PEAK1: variants seen among roughly 807,000 people sequenced by gnomAD.
The protein encoded by PEAK1 is pseudopodium enriched atypical kinase 1, also known as inactive tyrosine-protein kinase PEAK1.
PEAK1 carries 54 observed loss-of-function variants against 124.7 expected under a neutral mutation model. That is an observed-to-expected ratio of 0.43 (90% CI 0.35 to 0.54). The LOEUF (loss-of-function observed/expected upper bound fraction) is 0.54. Among genes scored for constraint, PEAK1 ranks in the 20% least tolerant of loss-of-function variants. The pLI is 0.01. For missense variants in PEAK1, 2,046 were observed against 2,134.5 expected (o/e 0.96, Z 0.82); for synonymous variants, 719 against 760.0 (o/e 0.95, Z 0.89).
intron 8 of PEAK1, among the ~76,000 whole-genome samples, chr15:77,139,639 C>T (rs2053612734): frequency 6.6e-6 from 1 of 152,120 alleles, no homozygotes; most frequent in South Asian, 2.1e-4. Flanking sequence ...TGACTATATC[C>T]ATTTCCCATG....
intron 6 of PEAK1, among the ~76,000 whole-genome samples, chr15:77,247,527 C>T (rs140442468): frequency 0.041 from 4,475 of 110,434 alleles, 257 homozygotes; most frequent in African/African-American, 0.14. Context: ...CTCACTCTGT[C>T]GCCCAGGCTG....
intron 6 of PEAK1, among the ~76,000 whole-genome samples, chr15:77,241,914 C>T (rs986934842): frequency 2.0e-5 from 3 of 151,872 alleles, no homozygotes; most frequent in South Asian, 2.1e-4. Flanking sequence ...CAAACTAATC[C>T]GTAGATTTAA....
intron 1 of PEAK1, among the ~76,000 whole-genome samples, chr15:77,400,889 C>T (rs772477258): frequency 2.0e-5 from 3 of 152,066 alleles, no homozygotes; most frequent in South Asian, 2.1e-4. Flanking sequence ...AGATATTATT[C>T]GTCTATCACT....
Position 77,178,818 on chromosome 15 carries a change from G to A in PEAK1, c.3109C>T (p.Pro1037Ser). Reference protein sequence around the residue: ...DSEKKRSHSSPSQIPKKILSH... With the variant: ...DSEKKRSHSSSSQIPKKILSH... ...AGAATCTTTTTAGGAATCTGTGATG[G>A]AGAAGAATGACTCCTCTTCTTCTCT... Residue 1037 changes from proline (P) to serine (S), a missense_variant, in exon 7 of 10, where the codon CCA becomes TCA. Coordinates refer to ENST00000682557, the MANE Select transcript of PEAK1 (RefSeq NM_001385026.1). 1 of 1,613,696 alleles carries A rather than the reference G, an allele frequency of 6.2e-7. No individual in the cohort carries two copies.
intron 2 of PEAK1, among the ~76,000 whole-genome samples, chr15:77,341,283 T>C (rs1022763592): frequency 6.6e-6 from 1 of 152,082 alleles, no homozygotes; most frequent in Non-Finnish European, 1.5e-5. Context: ...GTGGATCATC[T>C]GAGGTCAGGA....
intron 1 of PEAK1, chr15:77,370,632 A>AT: frequency 1.1e-6 from 1 of 927,772 alleles, no homozygotes; most frequent in South Asian, 5.0e-5. Flanking sequence ...ATAATTTTGA[A>AT]TGTTACCAAA....
intron 2 of PEAK1, chr15:77,332,227 T>C: frequency 1.0e-6 from 1 of 984,072 alleles, no homozygotes; most frequent in Non-Finnish European, 1.2e-6. Flanking sequence ...AGTCCTTTTT[T>C]GACAAAACAC....
At chr15:77,319,992 G>T (rs948258544) in intron 2 of PEAK1, among the ~76,000 whole-genome samples, 28 of 152,098 alleles carry the variant, frequency 1.8e-4, no homozygotes, top group African/African-American at 6.5e-4. Flanking sequence ...TGCCTTCTTT[G>T]TAACAAAGAT....
intron 2 of PEAK1, chr15:77,350,428 G>A: frequency 1.0e-6 from 1 of 985,336 alleles, no homozygotes; most frequent in Non-Finnish European, 1.2e-6. Flanking sequence ...CAGCCTGAAT[G>A]TAGCAAGCTT....
chr15:77,250,217 AT>A (rs2060805627), intron 6 of PEAK1, among the ~76,000 whole-genome samples: 1 of 136,452 alleles, frequency 7.3e-6, no homozygotes, highest in Non-Finnish European at 1.5e-5. Flanking sequence ...ATATGTATAT[AT>A]ATACACATAT....
intron 1 of PEAK1, among the ~76,000 whole-genome samples, chr15:77,382,967 C>G (rs1388294840): frequency 1.3e-5 from 2 of 150,214 alleles, no homozygotes; most frequent in Non-Finnish European, 3.0e-5. Flanking sequence ...TGTATTAATA[C>G]ATCAGCTTCT....
chr15:77,406,392 T>C (rs867180469), intron 1 of PEAK1, among the ~76,000 whole-genome samples: 5 of 152,126 alleles, frequency 3.3e-5, no homozygotes, highest in African/African-American at 1.2e-4. Context: ...TAAAGACTCA[T>C]CCAAAAAGCT....
rs1247614232 is a variant in PEAK1, at chr15:77,179,812, C to A, written c.2115G>T (p.Lys705Asn). ...TGAGACAGTTGTTAAACTCTTGAACCTTCTGAGCCACTGAGCCCCTTTTAT... is the reference window on the plus strand; with the variant it reads ...TGAGACAGTTGTTAAACTCTTGAACATTCTGAGCCACTGAGCCCCTTTTAT... Reference protein sequence around the residue: ...TEHKRGSVAQKVQEFNNCLNR... With the variant: ...TEHKRGSVAQNVQEFNNCLNR... Residue 705 changes from lysine (K) to asparagine (N), a missense_variant, in exon 7 of 10, where the codon AAG becomes AAT. Lys to Asn is a moderately conservative substitution (Grantham distance 94). Transcript: ENST00000682557. 6.2e-7 allele frequency: 1 copy of A among 1,614,118 alleles called. No homozygotes were observed. Among genetic ancestry groups the A allele is most frequent in the South Asian group, 1.1e-5 (1 of 91,074 alleles).
At chr15:77,235,175 A>G (rs1343860340) in intron 6 of PEAK1, among the ~76,000 whole-genome samples, 1 of 152,046 alleles carries the variant, frequency 6.6e-6, no homozygotes, top group Non-Finnish European at 1.5e-5. Context: ...CAATGTGAGA[A>G]CTGGCTAATA....
intron 7 of PEAK1, among the ~76,000 whole-genome samples, chr15:77,171,921 C>G (rs1016599436): frequency 6.6e-6 from 1 of 152,038 alleles, no homozygotes; most frequent in Non-Finnish European, 1.5e-5. Flanking sequence ...TAGAGGACAA[C>G]TGAATTGCCT....
rs986506179 is a variant in PEAK1, at chr15:77,178,953, T to C, written c.2974A>G (p.Arg992Gly). The change falls in exon 7 of 10, where the codon AGG becomes GGG. Residue 992 changes from arginine (R) to glycine (G), a missense_variant. Arg to Gly is a moderately radical substitution (Grantham distance 125). Coordinates refer to ENST00000682557, the MANE Select transcript of PEAK1 (RefSeq NM_001385026.1). The stretch of plus-strand genomic sequence containing the variant: ...AGCTGGCCTTGAGCAGGGTCGCACC[T>C]GTACATGAAGACAATGGCTGGTTTC... ...SEKPAIVFMY[R>G]CDPAQGQLSV... 5.0e-6 allele frequency: 8 copies of C among 1,614,044 alleles called. No homozygotes were observed. The highest frequency in any genetic ancestry group is 6.8e-6 in the Non-Finnish European group (8 of 1,180,030).
In PEAK1 at chr15:77,313,648, A is replaced by ATGTGTGTGTG. The variant is rs1220086755; in HGVS notation, c.-602-27145_-602-27144insCACACACACA. Among the ~76,000 whole-genome samples, 443 of 87,360 alleles carry ATGTGTGTGTG rather than the reference A, an allele frequency of 5.1e-3. 1 individual carries two copies. Among genetic ancestry groups the ATGTGTGTGTG allele is most frequent in the Middle Eastern group, 0.017 (3 of 172 alleles). 57.3% of individuals were successfully genotyped at this position (87,360 alleles called of 152,430 possible). On this transcript the variant is annotated intron_variant, in intron 2 of 9. Transcript: ENST00000682557. ...TGCCCAGTAATGTATGTATGTATGT[A>ATGTGTGTGTG]TGTATGTGTGTGTGTGTGTGTGTGT...
At chr15:77,388,526 A>G (rs1174214399) in intron 1 of PEAK1, among the ~76,000 whole-genome samples, 1 of 152,144 alleles carries the variant, frequency 6.6e-6, no homozygotes, top group Non-Finnish European at 1.5e-5. Flanking sequence ...ATTTAATACT[A>G]TGTCAACTAA....
Position 77,133,661 on chromosome 15 carries a change from C to T in PEAK1, c.3421G>A (p.Asp1141Asn). The change falls in exon 9 of 10, where the codon GAC (aspartate) becomes AAC (asparagine). Residue 1141 changes from aspartate (D) to asparagine (N), a missense_variant. Transcript: ENST00000682557. This position sits in a 1 kb window ranked among gnomAD's most constrained non-coding sequence, Gnocchi z 4.2. ...TGGGAAGCATTGGGTGCTTCTTGGT[C>T]TGTTTTCCCTCCAAAGGCGATGGCA... is the stretch of plus-strand genomic sequence containing the variant. ...DDAIAFGGKT[D>N]QEAPNASQPT... 4 of 1,614,078 alleles carry T rather than the reference C, an allele frequency of 2.5e-6. No homozygotes were observed. The highest frequency in any genetic ancestry group is 3.4e-6 in the Non-Finnish European group (4 of 1,180,016).
Sources: gnomAD v4.1 joint callset for allele counts (sites outside exome capture counted in the v4.1 genomes callset) on GRCh38, gnomAD v4.1.1 for gene constraint, Gnocchi (gnomAD v3.1) non-coding constraint, MANE v1.5 for transcripts, NCBI Gene and HGNC (gene_info 2026-07-23, HGNC 2026-07-21) for gene names.